The following CTNNBL1 variants were observed in gnomAD, a reference collection of about 807,000 sequenced individuals.
CTNNBL1 encodes catenin beta like 1.
CTNNBL1 carries 31 observed loss-of-function variants against 72.7 expected under a neutral mutation model. The observed-to-expected ratio is 0.43, with a 90% confidence interval of 0.32 to 0.58. CTNNBL1 has a LOEUF of 0.58. Ranked by LOEUF, CTNNBL1 falls within the 20% of genes least tolerant of loss-of-function variation. CTNNBL1 has a pLI of 0.08. For synonymous variants in CTNNBL1, 240 were observed against 267.3 expected (o/e 0.90, Z 1.00); for missense variants, 534 against 725.1 (o/e 0.74, Z 3.03).
chr20:37,694,061 C>T lies in CTNNBL1; in HGVS notation c.-62C>T, dbSNP rs933102882. The T allele has an allele frequency of 6.4e-7, 1 of 1,565,728 alleles. No individual in the cohort carries two copies. The highest frequency in any genetic ancestry group is 1.1e-5 in the South Asian group (1 of 87,110). Reference sequence around the variant, plus strand: ...TACGGCAGTGTGGCTGGAGCCGCGGCTGACGGGCCCGCGGTCTGGGCGTGA... The same window carrying T: ...TACGGCAGTGTGGCTGGAGCCGCGGTTGACGGGCCCGCGGTCTGGGCGTGA... On this transcript the variant is annotated 5_prime_UTR_variant, in exon 1 of 16. Coordinates refer to ENST00000361383, the MANE Select transcript of CTNNBL1 (RefSeq NM_030877.5).
At chr20:37,718,571 G>A (rs1404251179) in intron 1 of CTNNBL1, among the ~76,000 whole-genome samples, 4 of 148,398 alleles carry the variant, frequency 2.7e-5, no homozygotes, top group African/African-American at 5.0e-5. Context: ...CCGACAGGGC[G>A]GATGGCCGGG....
At chr20:37,849,725 C>T (rs2072379039) in intron 13 of CTNNBL1, among the ~76,000 whole-genome samples, 1 of 152,240 alleles carries the variant, frequency 6.6e-6, no homozygotes, top group Admixed American at 6.5e-5. Context: ...GCCCCAAGTG[C>T]ACCCTTGCAC....
At chr20:37,823,357 A>G (rs1183287100) in intron 11 of CTNNBL1, among the ~76,000 whole-genome samples, 1 of 152,250 alleles carries the variant, frequency 6.6e-6, no homozygotes, top group Non-Finnish European at 1.5e-5. Flanking sequence ...TCAAGAAATC[A>G]GATTTCAAGA....
rs772686486 is a variant in CTNNBL1 at position 37,732,893 on chromosome 20, A to G, written c.45A>G (p.Thr15=). ...TTTTCTCTCAGCCCAATAGGGGCAC[A>G]AAACGTCCCCGGGATGATGAAGAGG... ...ELLSYQPNRG[T]KRPRDDEEEE... Residue 15 remains threonine (T), a synonymous_variant, in exon 2 of 16, where the codon ACA becomes ACG. Transcript: ENST00000361383. 1 of 1,613,674 alleles carries G rather than the reference A, an allele frequency of 6.2e-7. No individual in the cohort carries two copies. Among genetic ancestry groups the G allele is most frequent in the East Asian group, 2.2e-5 (1 of 44,876 alleles).
At chr20:37,798,776 G>T (rs932501566) in intron 10 of CTNNBL1, among the ~76,000 whole-genome samples, 2 of 152,190 alleles carry the variant, frequency 1.3e-5, no homozygotes, top group Non-Finnish European at 2.9e-5. Flanking sequence ...TGTTATTTGT[G>T]AAATGGTTTG....
intron 15 of CTNNBL1, among the ~76,000 whole-genome samples, chr20:37,866,535 G>A (rs183949159): frequency 1.3e-5 from 2 of 152,292 alleles, no homozygotes; most frequent in African/African-American, 4.8e-5. Flanking sequence ...TACAGTGCTC[G>A]CATGGTGGCT....
chr20:37,781,785 G>C (rs1006884547), intron 10 of CTNNBL1, among the ~76,000 whole-genome samples: 5 of 152,158 alleles, frequency 3.3e-5, no homozygotes, highest in Admixed American at 6.5e-5. Context: ...AGAAGTTCAG[G>C]AAAGTTTCTG....
intron 10 of CTNNBL1, among the ~76,000 whole-genome samples, chr20:37,779,855 T>A (rs1183337085): frequency 6.6e-6 from 1 of 152,166 alleles, no homozygotes; most frequent in Non-Finnish European, 1.5e-5. Context: ...TATAGTACTT[T>A]CCTTGTGTGT....
At chr20:37,752,598 A>G (rs2073330104) in intron 4 of CTNNBL1, among the ~76,000 whole-genome samples, 1 of 150,000 alleles carries the variant, frequency 6.7e-6, no homozygotes, top group Admixed American at 6.7e-5. Context: ...GAGTCATCTC[A>G]TTGGAGATTA....
intron 13 of CTNNBL1, among the ~76,000 whole-genome samples, chr20:37,845,041 G>A (rs974552748): frequency 6.6e-6 from 1 of 152,196 alleles, no homozygotes; most frequent in African/African-American, 2.4e-5. Context: ...AGAAGCTCCC[G>A]CCGCTGCTGC....
rs116292985 is a variant in CTNNBL1 at position 37,808,140 on chromosome 20, C to T, written c.1213+5092C>T. Among the ~76,000 whole-genome samples the T allele has an allele frequency of 2.0e-3, 310 of 152,218 alleles. 1 individual carries two copies. Among genetic ancestry groups the T allele is most frequent in the African/African-American group, 6.8e-3 (283 of 41,520 alleles). On this transcript the variant is annotated intron_variant, in intron 11 of 15. Coordinates refer to ENST00000361383, the MANE Select transcript of CTNNBL1 (RefSeq NM_030877.5). ...GTGGTGTGCACACTAGGTATATACA[C>T]GCATTTTTACCTTTTCAGCAGTGAC...
intron 2 of CTNNBL1, among the ~76,000 whole-genome samples, 175 bp from the exon 3 acceptor site, chr20:37,737,203 G>A (rs769245454): frequency 1.1e-4 from 16 of 152,026 alleles, no homozygotes; most frequent in Non-Finnish European, 2.2e-4. Context: ...CAGCCTGGGC[G>A]ACAGAGCAAG....
At chr20:37,780,394 A>G (rs2073616225) in intron 10 of CTNNBL1, among the ~76,000 whole-genome samples, 1 of 152,198 alleles carries the variant, frequency 6.6e-6, no homozygotes, top group Non-Finnish European at 1.5e-5. Flanking sequence ...TTCTGTCTCC[A>G]CAAAGTTAGG....
chr20:37,706,107 T>C (rs1325966770), intron 1 of CTNNBL1, among the ~76,000 whole-genome samples: 1 of 152,242 alleles, frequency 6.6e-6, no homozygotes, highest in Non-Finnish European at 1.5e-5. Context: ...TGTTAAAAGC[T>C]GCTAACCATC....
At chr20:37,699,621 A>G (rs1055177460) in intron 1 of CTNNBL1, among the ~76,000 whole-genome samples, 5 of 152,200 alleles carry the variant, frequency 3.3e-5, no homozygotes, top group African/African-American at 1.2e-4. Context: ...TATAGTTATC[A>G]TTTACAAAGT....
intron 11 of CTNNBL1, among the ~76,000 whole-genome samples, chr20:37,833,031 G>GC (rs1220693692): frequency 3.9e-5 from 6 of 152,168 alleles, no homozygotes; most frequent in African/African-American, 1.4e-4. Context: ...CGGGAGGGTA[G>GC]CATGCCTCCG....
At chr20:37,846,752 C>T (rs1475122664) in intron 13 of CTNNBL1, among the ~76,000 whole-genome samples, 6 of 152,112 alleles carry the variant, frequency 3.9e-5, no homozygotes, top group Admixed American at 2.6e-4. Flanking sequence ...TGCCACACAG[C>T]CTTTGTTTCC....
At chr20:37,777,495 T>G in intron 8 of CTNNBL1, 78 bp downstream of exon 8, 1 of 1,482,324 alleles carries the variant, frequency 6.7e-7, no homozygotes, top group Non-Finnish European at 9.4e-7. Flanking sequence ...CAAGCTCTCT[T>G]GCCTTTGGCA....
chr20:37,697,590 T>C (rs2122534318), intron 1 of CTNNBL1, among the ~76,000 whole-genome samples: 1 of 152,288 alleles, frequency 6.6e-6, no homozygotes, highest in East Asian at 1.9e-4. Flanking sequence ...GATAAAGACC[T>C]TGACTTTGAG....
Sources: allele counts gnomAD v4.1 joint callset (sites outside exome capture counted in the v4.1 genomes callset), GRCh38; gene constraint gnomAD v4.1.1; transcripts MANE v1.5; gene names NCBI Gene and HGNC (gene_info 2026-07-23, HGNC 2026-07-21).